KCNJ15: variants seen among roughly 807,000 people sequenced by gnomAD.
KCNJ15 encodes ATP-sensitive inward rectifier potassium channel 15.
Under a neutral mutation model 23.0 loss-of-function variants are expected in KCNJ15, and 14 were observed. That is an observed-to-expected ratio of 0.61 (90% CI 0.40 to 0.95). The LOEUF (loss-of-function observed/expected upper bound fraction) is 0.95, where lower values mean the gene tolerates loss of function less well. KCNJ15 is among the 40% of genes least tolerant of loss of function. The probability of loss-of-function intolerance (pLI) is 0.00; values close to 1 mark genes in which losing one functional copy is unlikely to be tolerated. For missense variants in KCNJ15, 388 were observed against 461.8 expected, an observed-to-expected ratio of 0.84 and a Z score of 1.46; for synonymous variants, 185 against 183.2, an observed-to-expected ratio of 1.01 and a Z score of -0.08.
At chr21:38,284,433 C>A (rs1983674008) in intron 1 of KCNJ15, among the ~76,000 whole-genome samples, 1 of 152,180 alleles carries the variant, frequency 6.6e-6, no homozygotes, top group Admixed American at 6.5e-5. Context: ...CCTGTTGACT[C>A]TGTCTGGGAC....
chr21:38,272,061 C>A lies in KCNJ15; in HGVS notation c.-117+14876C>A, dbSNP rs181507280. 1.3e-4 allele frequency among the ~76,000 whole-genome samples: 20 copies of A among 152,234 alleles called. No individual in the cohort carries two copies. In the East Asian group the frequency reaches 3.7e-3, roughly 28 times the overall value. On this transcript the variant is annotated intron_variant, in intron 1 of 2. Coordinates refer to ENST00000398938, the MANE Select transcript of KCNJ15 (RefSeq NM_170736.3). ...AGATCATTTTTCCAAGGATCCAGAG[C>A]CCTTTAGAGAGAATTCAAGAGGGAG...
At chr21:38,247,965 C>G (rs191922458) in intron 1 of KCNJ15, among the ~76,000 whole-genome samples, 32 of 152,358 alleles carry the variant, frequency 2.1e-4, no homozygotes, top group Admixed American at 2.0e-3. Context: ...AATTCCATCT[C>G]TAGGACTCAG....
At chr21:38,263,136 A>G (rs1374040910) in intron 1 of KCNJ15, among the ~76,000 whole-genome samples, 1 of 152,154 alleles carries the variant, frequency 6.6e-6, no homozygotes, top group African/African-American at 2.4e-5. Context: ...TCTCCCAGAC[A>G]GGCCAAAGCT....
chr21:38,286,246 CA>C (rs573663336), intron 1 of KCNJ15, among the ~76,000 whole-genome samples: 2 of 151,834 alleles, frequency 1.3e-5, no homozygotes, highest in East Asian at 1.9e-4. Context: ...CCGTCTCAAA[CA>C]AAAAAACAAA....
intron 1 of KCNJ15, among the ~76,000 whole-genome samples, chr21:38,282,231 T>C (rs1983425564): frequency 6.6e-6 from 1 of 152,148 alleles, no homozygotes; most frequent in Admixed American, 6.5e-5. Context: ...ACTTCTATCA[T>C]TTTGTCACTG....
intron 1 of KCNJ15, 31 bp from the exon 2 acceptor site, chr21:38,296,895 C>T (rs964432933): frequency 1.3e-5 from 2 of 152,640 alleles, no homozygotes; most frequent in East Asian, 1.9e-4. Flanking sequence ...TGGTAACCAT[C>T]TATGAATCCA....
intron 1 of KCNJ15, among the ~76,000 whole-genome samples, chr21:38,283,131 G>A (rs528361621): frequency 6.6e-6 from 1 of 152,290 alleles, no homozygotes; most frequent in African/African-American, 2.4e-5. Context: ...TTGTGCAATA[G>A]ATATTTGGAA....
intron 1 of KCNJ15, among the ~76,000 whole-genome samples, chr21:38,296,317 G>T (rs910424728): frequency 1.3e-5 from 2 of 152,138 alleles, no homozygotes; most frequent in African/African-American, 4.8e-5. Context: ...AGCTTAGGAA[G>T]AATTATTTTC....
intron 1 of KCNJ15, among the ~76,000 whole-genome samples, chr21:38,247,311 T>A (rs1402909017): frequency 6.6e-6 from 1 of 150,692 alleles, no homozygotes; most frequent in Non-Finnish European, 1.5e-5. Flanking sequence ...GGTGGATGGA[T>A]GGATCGATGG....
chr21:38,270,832 A>G (rs1250329074), intron 1 of KCNJ15, among the ~76,000 whole-genome samples: 1 of 152,248 alleles, frequency 6.6e-6, no homozygotes, highest in Non-Finnish European at 1.5e-5. Flanking sequence ...ATAGTAACAG[A>G]CTGAAAAGGT....
Position 38,301,461 on chromosome 21 carries a change from C to G in KCNJ15, c.*1072C>G, listed in dbSNP as rs1985775216. On this transcript the variant is annotated 3_prime_UTR_variant, in exon 3 of 3. Coordinates refer to ENST00000398938, the MANE Select transcript of KCNJ15 (RefSeq NM_170736.3). ...CTGCATAGGATTATCCCCTGACATT[C>G]CAAGAGCAAAATAAAGCTCTTGAGA... 6.0e-6 allele frequency: 1 copy of G among 167,048 alleles called. No individual in the cohort carries two copies. The highest frequency in any genetic ancestry group is 1.5e-5 in the Non-Finnish European group (1 of 68,114). 10.3% of individuals were successfully genotyped at this position (167,048 alleles called of 1,614,324 possible).
At position 38,302,121 on chromosome 21, in the gene KCNJ15, G is replaced by A. The variant is rs533624340; in HGVS notation, c.*1732G>A. ...TGGCTCTTCAAGCATAATCATGGTA[G>A]TCATCAGTGAAAGACATTTGAGGTT... On this transcript the variant is annotated 3_prime_UTR_variant, in exon 3 of 3. Transcript: ENST00000398938. 1.2e-4 allele frequency: 18 copies of A among 152,340 alleles called. No homozygotes were observed. The highest frequency in any genetic ancestry group is 4.1e-4 in the African/African-American group (17 of 41,558). The allele number at this position is 152,340 out of a possible 1,614,324, so 9.4% of individuals were successfully genotyped here.
At chr21:38,283,713 A>G (rs1469205064) in intron 1 of KCNJ15, among the ~76,000 whole-genome samples, 1 of 152,204 alleles carries the variant, frequency 6.6e-6, no homozygotes, top group African/African-American at 2.4e-5. Context: ...ACATTGTCAA[A>G]TTACTGCCTC....
At chr21:38,238,794 A>T (rs922483054) in intron 1 of KCNJ15, 18 of 316,340 alleles carry the variant, frequency 5.7e-5, no homozygotes, top group Non-Finnish European at 9.2e-5. Context: ...AGTGCTTTCC[A>T]ATATGTTATT....
intron 1 of KCNJ15, among the ~76,000 whole-genome samples, chr21:38,273,470 AT>A (rs1982314753): frequency 6.6e-6 from 1 of 152,204 alleles, no homozygotes; most frequent in Non-Finnish European, 1.5e-5. Flanking sequence ...TCAGAAAGTC[AT>A]TTTCCAAACT....
At chr21:38,234,259 A>T (rs934688004) in intron 1 of KCNJ15, among the ~76,000 whole-genome samples, 1 of 152,210 alleles carries the variant, frequency 6.6e-6, no homozygotes, top group African/African-American at 2.4e-5. Context: ...CTTTCTTAAG[A>T]CATTGAGGGT....
chr21:38,264,937 G>A (rs1342030623), intron 1 of KCNJ15, among the ~76,000 whole-genome samples: 2 of 152,158 alleles, frequency 1.3e-5, no homozygotes, highest in East Asian at 1.9e-4. Flanking sequence ...AAGTAAATAC[G>A]GAGCCAGCAG....
intron 1 of KCNJ15, among the ~76,000 whole-genome samples, chr21:38,288,930 T>C (rs1388884919): frequency 1.3e-5 from 2 of 152,180 alleles, no homozygotes; most frequent in Non-Finnish European, 2.9e-5. Flanking sequence ...CCGGGCGCGG[T>C]GGCTCACGCC....
intron 1 of KCNJ15, among the ~76,000 whole-genome samples, chr21:38,247,216 GGATGGATAAATGGATT>G (rs1481708323): frequency 4.8e-5 from 7 of 145,792 alleles, no homozygotes; most frequent in African/African-American, 1.9e-4. Flanking sequence ...GTAGATGGAT[GGATGGATAAATGGATT>G]GATGGATGGA....
Sources: gnomAD v4.1 joint callset for allele counts (sites outside exome capture counted in the v4.1 genomes callset) on GRCh38, gnomAD v4.1.1 for gene constraint, MANE v1.5 for transcripts, NCBI Gene and HGNC (gene_info 2026-07-23, HGNC 2026-07-21) for gene names.